PPIL6: variants seen among roughly 807,000 people sequenced by gnomAD.
PPIL6 encodes peptidylprolyl isomerase like 6.
In PPIL6, 39 loss-of-function variants were observed where a neutral mutation model predicts 36.8. The observed-to-expected ratio is 1.06, with a 90% CI of 0.82 to 1.38. The LOEUF (loss-of-function observed/expected upper bound fraction) is 1.38. Among genes scored for constraint, PPIL6 ranks in the 40% most tolerant of loss-of-function variants. The pLI is 0.00. For synonymous variants in PPIL6, 123 were observed against 134.1 expected (o/e 0.92, Z 0.57); for missense variants, 368 against 379.1 (o/e 0.97, Z 0.24).
At chr6:109,424,101 G>T (rs1460843405) in intron 5 of PPIL6, among the ~76,000 whole-genome samples, 1 of 152,180 alleles carries the variant, frequency 6.6e-6, no homozygotes, top group Admixed American at 6.5e-5. Context: ...GGAGTAGGAG[G>T]GTGGCAGGAG....
chr6:109,395,652 T>C (rs889946643), intron 7 of PPIL6, among the ~76,000 whole-genome samples: 2 of 148,414 alleles, frequency 1.3e-5, no homozygotes, highest in African/African-American at 5.0e-5. Flanking sequence ...GTCGCCAGGC[T>C]GGAGTACAGT....
chr6:109,422,891 A>G (rs1026999059), intron 5 of PPIL6, among the ~76,000 whole-genome samples: 2 of 152,222 alleles, frequency 1.3e-5, no homozygotes, highest in African/African-American at 4.8e-5. Context: ...TATTGTACTT[A>G]TCAGCGGCTC....
chr6:109,412,844 C>G (rs914241550), intron 6 of PPIL6, among the ~76,000 whole-genome samples: 4 of 152,122 alleles, frequency 2.6e-5, no homozygotes, highest in African/African-American at 9.7e-5. Context: ...TAAAAAGATT[C>G]TGCACAACAA....
chr6:109,430,200 T>C (rs1374478546), intron 3 of PPIL6, among the ~76,000 whole-genome samples: 1 of 152,248 alleles, frequency 6.6e-6, no homozygotes, highest in Non-Finnish European at 1.5e-5. Context: ...TAGCATTGGC[T>C]CACTGTAGGC....
At chr6:109,405,256 C>T (rs1772750213) in intron 6 of PPIL6, among the ~76,000 whole-genome samples, 2 of 152,094 alleles carry the variant, frequency 1.3e-5, no homozygotes, top group South Asian at 4.1e-4. Flanking sequence ...GGAATCATTC[C>T]CCCGACTTTT....
intron 2 of PPIL6, 128 bp downstream of exon 2, chr6:109,435,976 C>T (rs117054146): frequency 0.012 from 8,761 of 723,300 alleles, 309 homozygotes; most frequent in East Asian, 0.11. Flanking sequence ...AGGAAAAGTA[C>T]GTAATGTAGA....
intron 6 of PPIL6, among the ~76,000 whole-genome samples, chr6:109,409,679 T>C (rs4636056): frequency 0.52 from 79,415 of 152,084 alleles, 21,884 homozygotes; most frequent in African/African-American, 0.71. Context: ...TAAATAAATT[T>C]AGTAAAGTTG....
chr6:109,414,061 G>T (rs1480191982), intron 6 of PPIL6, among the ~76,000 whole-genome samples: 1 of 152,082 alleles, frequency 6.6e-6, no homozygotes, highest in Non-Finnish European at 1.5e-5. Context: ...TAGAACAAGA[G>T]GGCAACTATA....
At chr6:109,437,908 A>C (rs1774544881) in intron 1 of PPIL6, among the ~76,000 whole-genome samples, 1 of 152,150 alleles carries the variant, frequency 6.6e-6, no homozygotes, top group Non-Finnish European at 1.5e-5. Flanking sequence ...AATAAACTAT[A>C]AATCCAGCAG....
rs1392208809 is a variant in PPIL6 at position 109,413,091 on chromosome 6, G to C, written c.688+6096C>G. 2.0e-5 allele frequency among the ~76,000 whole-genome samples: 3 copies of C among 152,186 alleles called. No homozygotes were observed. The highest frequency in any genetic ancestry group is 4.8e-5 in the African/African-American group (2 of 41,434). On this transcript the variant is annotated intron_variant, in intron 6 of 7. Coordinates refer to ENST00000521072, the MANE Select transcript of PPIL6 (RefSeq NM_173672.5). This position sits in a 1 kb window ranked among gnomAD's most constrained non-coding sequence, Gnocchi z 4.6. ...GAGAATTGCTTGAACCCAGGCAGCG[G>C]AGGTTGCAGTGAGCTGAGATGGCAC...
intron 6 of PPIL6, among the ~76,000 whole-genome samples, chr6:109,404,267 C>T (rs1228445539): frequency 1.3e-5 from 2 of 152,180 alleles, no homozygotes; most frequent in East Asian, 1.9e-4. Context: ...AGGAGGCCCA[C>T]GTTCCATCTG....
Position 109,413,075 on chromosome 6 carries a change from T to G in PPIL6, c.688+6112A>C, listed in dbSNP as rs1380136105. On this transcript the variant is annotated intron_variant, in intron 6 of 7. Transcript: ENST00000521072. This position sits in a 1 kb window ranked among gnomAD's most constrained non-coding sequence, Gnocchi z 4.6. ...TGGGAGGCTGAGGGAGGAGAATTGC[T>G]TGAACCCAGGCAGCGGAGGTTGCAG... Among the ~76,000 whole-genome samples, 1 of 152,164 alleles carries G rather than the reference T, an allele frequency of 6.6e-6. No individual in the cohort carries two copies. Among genetic ancestry groups the G allele is most frequent in the Non-Finnish European group, 1.5e-5 (1 of 68,040 alleles).
chr6:109,432,398 C>T (rs1269056615), intron 2 of PPIL6, among the ~76,000 whole-genome samples: 3 of 152,060 alleles, frequency 2.0e-5, no homozygotes, highest in Non-Finnish European at 2.9e-5. Context: ...TCTAAATCTC[C>T]GGTGGGCTTG....
At chr6:109,411,776 T>C (rs550997390) in intron 6 of PPIL6, among the ~76,000 whole-genome samples, 61 of 152,366 alleles carry the variant, frequency 4.0e-4, no homozygotes, top group African/African-American at 1.4e-3. Flanking sequence ...AATGAAAGTG[T>C]CCTGCCTGTG....
intron 5 of PPIL6, among the ~76,000 whole-genome samples, chr6:109,420,632 T>C (rs1044956562): frequency 6.6e-6 from 1 of 152,192 alleles, no homozygotes; most frequent in African/African-American, 2.4e-5. Flanking sequence ...CTCTGAGGTC[T>C]GTCCTCTCTC....
intron 5 of PPIL6, among the ~76,000 whole-genome samples, chr6:109,420,512 T>C (rs1376854917): frequency 6.6e-6 from 1 of 152,150 alleles, no homozygotes; most frequent in Non-Finnish European, 1.5e-5. Context: ...ATGCTACGCA[T>C]ATTTTGGTTT....
At chr6:109,403,278 A>AT (rs199779580) in intron 6 of PPIL6, among the ~76,000 whole-genome samples, 8 of 152,066 alleles carry the variant, frequency 5.3e-5, no homozygotes, top group Admixed American at 3.9e-4. Context: ...GCTAGCTCTA[A>AT]TTTTTTTTAA....
chr6:109,427,222 C>A, intron 3 of PPIL6, 66 bp from the exon 4 acceptor site: 5 of 1,029,560 alleles, frequency 4.9e-6, no homozygotes, highest in South Asian at 1.5e-5. Context: ...TCAGAAATGA[C>A]CAAAAATACA....
chr6:109,431,459 T>C (rs1774156477), intron 2 of PPIL6, 114 bp from the exon 3 acceptor site: 1 of 565,022 alleles, frequency 1.8e-6, no homozygotes, highest in Non-Finnish European at 2.8e-6. Flanking sequence ...TCAACTCTAG[T>C]ATTGAATCTT....
Sources: gnomAD v4.1 joint callset for allele counts (sites outside exome capture counted in the v4.1 genomes callset) on GRCh38, gnomAD v4.1.1 for gene constraint, Gnocchi (gnomAD v3.1) non-coding constraint, MANE v1.5 for transcripts, NCBI Gene and HGNC (gene_info 2026-07-23, HGNC 2026-07-21) for gene names.